ABCC1: variants seen among roughly 807,000 people sequenced by gnomAD.
The protein encoded by ABCC1 is ATP binding cassette subfamily C member 1 (ABCC1 blood group), also known as multidrug resistance-associated protein 1.
In ABCC1, 83 loss-of-function variants were observed where a neutral mutation model predicts 172.9. The ratio of observed to expected loss-of-function variants is 0.48; its 90% confidence interval spans 0.40 to 0.58. ABCC1 has a LOEUF of 0.58. Ranked by LOEUF, ABCC1 falls within the 20% of genes least tolerant of loss-of-function variation. ABCC1 has a pLI of 0.00. For synonymous variants in ABCC1, 937 were observed against 825.2 expected, an observed-to-expected ratio of 1.14 and a Z score of -2.32; for missense variants, 1,817 against 2,002.7, an observed-to-expected ratio of 0.91 and a Z score of 1.77.
At chr16:16,058,524 G>A (rs567503578) in intron 12 of ABCC1, among the ~76,000 whole-genome samples, 12 of 152,340 alleles carry the variant, frequency 7.9e-5, no homozygotes, top group African/African-American at 1.9e-4. Flanking sequence ...TTGCGAAAGC[G>A]TGTTCATGCT....
intron 5 of ABCC1, among the ~76,000 whole-genome samples, chr16:16,031,144 CAGCCAGGATACAGTATTTTTTAAAA>C (rs2048545823): frequency 6.6e-6 from 1 of 152,188 alleles, no homozygotes; most frequent in East Asian, 1.9e-4. Context: ...CCACCACACC[CAGCCAGGATACAGTATTTTTTAAAA>C]AGCACGCCCA....
intron 23 of ABCC1, among the ~76,000 whole-genome samples, chr16:16,117,058 C>T (rs2044913391): frequency 6.6e-6 from 1 of 152,098 alleles, no homozygotes; most frequent in African/African-American, 2.4e-5. Context: ...GAAGGGTGCA[C>T]AATTTAAAAC....
chr16:16,045,785 T>G, intron 8 of ABCC1, 51 bp from the exon 9 acceptor site: 2 of 1,580,704 alleles, frequency 1.3e-6, no homozygotes, highest in Non-Finnish European at 1.7e-6. Flanking sequence ...CTCTCTTCCC[T>G]GCCCCCACGT....
chr16:16,004,169 T>C (rs899861315), intron 1 of ABCC1, among the ~76,000 whole-genome samples: 3 of 152,034 alleles, frequency 2.0e-5, no homozygotes, highest in Non-Finnish European at 2.9e-5. Flanking sequence ...GAGCACTGGC[T>C]GTAGCGGGGA....
chr16:16,033,679 C>T (rs1356280067), intron 6 of ABCC1, among the ~76,000 whole-genome samples: 2 of 151,928 alleles, frequency 1.3e-5, no homozygotes, highest in African/African-American at 4.8e-5. Context: ...CGGAGTCTTA[C>T]TCTGTCAGTC....
intron 22 of ABCC1, among the ~76,000 whole-genome samples, chr16:16,111,899 C>G (rs1206191331): frequency 6.6e-6 from 1 of 152,152 alleles, no homozygotes; most frequent in East Asian, 1.9e-4. Context: ...TTTGCTTTGT[C>G]ACAGTGACAG....
rs2046138088 is a variant in ABCC1, at chr16:16,141,895, G to A, written c.*614G>A. On this transcript the variant is annotated 3_prime_UTR_variant, in exon 31 of 31. Transcript: ENST00000399410. ...GGTCTTCCAGGCACTCAAAAGCTGG[G>A]AACCAGCATCTCAGCGCCAGCTCTA... is the stretch of plus-strand genomic sequence containing the variant. The A allele has an allele frequency of 6.6e-6, 1 of 152,526 alleles. No homozygotes were observed. The highest frequency in any genetic ancestry group is 6.5e-5 in the Admixed American group (1 of 15,286). The allele number at this position is 152,526 out of a possible 1,614,324, so 9.4% of individuals were successfully genotyped here.
intron 21 of ABCC1, among the ~76,000 whole-genome samples, chr16:16,108,590 A>T (rs1340326666): frequency 3.6e-4 from 47 of 130,900 alleles, no homozygotes; most frequent in East Asian, 4.5e-4. Context: ...TTTTTTTTTA[A>T]TTTGTTTTCT....
At chr16:16,125,492 G>A (rs2045389363) in intron 25 of ABCC1, among the ~76,000 whole-genome samples, 1 of 151,456 alleles carries the variant, frequency 6.6e-6, no homozygotes, top group Non-Finnish European at 1.5e-5. Context: ...GCAGTGGTGG[G>A]ATCTCGGCTC....
chr16:15,949,700 A>T lies in ABCC1; in HGVS notation c.-52A>T, dbSNP rs1366388268. On this transcript the variant is annotated 5_prime_UTR_variant, in exon 1 of 31. Coordinates refer to ENST00000399410, the MANE Select transcript of ABCC1 (RefSeq NM_004996.4). ...GTGCCCGCCGCCGCCCGCGCCAGCA[A>T]CCGGGCCCGATCACCCGCCGCCCGG... The T allele has an allele frequency of 9.6e-7, 1 of 1,038,800 alleles. No homozygotes were observed. Among genetic ancestry groups the T allele is most frequent in the Non-Finnish European group, 1.2e-6 (1 of 859,252 alleles). The allele number at this position is 1,038,800 out of a possible 1,614,324, so 64.3% of individuals were successfully genotyped here.
intron 2 of ABCC1, 132 bp from the exon 3 acceptor site, chr16:16,009,644 A>G (rs1286391899): frequency 2.2e-6 from 2 of 923,870 alleles, no homozygotes; most frequent in Non-Finnish European, 1.5e-6. Flanking sequence ...GATATGTGCC[A>G]TGTCCTAGGA....
At chr16:16,107,427 T>A (rs575038272) in intron 21 of ABCC1, among the ~76,000 whole-genome samples, 1 of 152,050 alleles carries the variant, frequency 6.6e-6, no homozygotes, top group African/African-American at 2.4e-5. Context: ...GTAGCTGGGA[T>A]TACAGAAACT....
chr16:16,138,427 G>A lies in ABCC1; in HGVS notation c.4356G>A (p.Val1452=), dbSNP rs1183972199. Residue 1452 remains valine, a synonymous_variant, in exon 30 of 31, where the codon GTG becomes GTA. Coordinates refer to ENST00000399410, the MANE Select transcript of ABCC1 (RefSeq NM_004996.4). ...RALLRKTKIL[V]LDEATAAVDL... is the part of the protein sequence containing the mutation. ...TGCTGAGGAAGACGAAGATCCTTGT[G>A]TTGGATGAGGCCACGGCAGCCGTGG... The A allele has an allele frequency of 1.2e-6, 2 of 1,612,138 alleles. No homozygotes were observed. Among genetic ancestry groups the A allele is most frequent in the African/African-American group, 1.3e-5 (1 of 74,884 alleles).
At position 16,111,461 on chromosome 16, in the gene ABCC1, T is replaced by C. The variant is rs45607431; in HGVS notation, c.2958T>C (p.His986=). ...FLSIFLFMCN[H]VSALASNYWL... ...GCATCTTCCTTTTCATGTGTAACCA[T>C]GTGTCCGCGCTGGCTTCCAACTATT... is the stretch of plus-strand genomic sequence containing the variant. The change falls in exon 22 of 31, where the codon CAT becomes CAC. Residue 986 remains histidine (H), a synonymous_variant. Coordinates refer to ENST00000399410, the MANE Select transcript of ABCC1 (RefSeq NM_004996.4). 2.7e-4 allele frequency: 434 copies of C among 1,614,208 alleles called. 1 individual carries two copies. The African/African-American group carries it at 5.3e-3, about 20-fold the overall frequency.
intron 26 of ABCC1, among the ~76,000 whole-genome samples, chr16:16,128,069 C>T (rs933568778): frequency 3.3e-5 from 5 of 149,942 alleles, no homozygotes; most frequent in Admixed American, 6.7e-5. Flanking sequence ...TACAAGTACC[C>T]ACCACCCCGC....
intron 5 of ABCC1, among the ~76,000 whole-genome samples, chr16:16,031,013 A>C (rs1348287901): frequency 6.6e-6 from 1 of 151,730 alleles, no homozygotes; most frequent in East Asian, 1.9e-4. Context: ...ACATCCAGCT[A>C]ATTTTTTGTA....
chr16:15,953,503 A>G (rs939988448), intron 1 of ABCC1, among the ~76,000 whole-genome samples: 4 of 152,160 alleles, frequency 2.6e-5, no homozygotes, highest in African/African-American at 9.7e-5. Flanking sequence ...TATGTGGGAT[A>G]ACGTAGTACC....
intron 3 of ABCC1, among the ~76,000 whole-genome samples, chr16:16,012,949 C>T (rs1334104956): frequency 6.6e-6 from 1 of 152,068 alleles, no homozygotes; most frequent in African/African-American, 2.4e-5. Context: ...TCCCAAAGTG[C>T]TGGTATTACA....
At chr16:15,956,289 T>C (rs1460396160) in intron 1 of ABCC1, among the ~76,000 whole-genome samples, 1 of 151,786 alleles carries the variant, frequency 6.6e-6, no homozygotes. Context: ...TGCTTGAACC[T>C]GGTAGGCGGA....
Sources: gnomAD v4.1 joint callset for allele counts (sites outside exome capture counted in the v4.1 genomes callset) on GRCh38, gnomAD v4.1.1 for gene constraint, MANE v1.5 for transcripts, NCBI Gene and HGNC (gene_info 2026-07-23, HGNC 2026-07-21) for gene names.